AVL9: variants seen among roughly 807,000 people sequenced by gnomAD.
The protein encoded by AVL9 is AVL9 cell migration associated.
A neutral mutation model predicts 79.2 loss-of-function variants in AVL9; 49 were observed. That is an observed-to-expected ratio of 0.62 (90% CI 0.49 to 0.79). AVL9 has a LOEUF of 0.79. AVL9 is among the 30% of genes least tolerant of loss of function. The probability of loss-of-function intolerance (pLI) is 0.00; values close to 1 mark genes in which losing one functional copy is unlikely to be tolerated. For synonymous variants in AVL9, 299 were observed against 280.6 expected, an observed-to-expected ratio of 1.07 and a Z score of -0.65; for missense variants, 682 against 776.8, an observed-to-expected ratio of 0.88 and a Z score of 1.45.
chr7:32,530,548 T>C (rs1020032768), intron 1 of AVL9, among the ~76,000 whole-genome samples: 1 of 152,230 alleles, frequency 6.6e-6, no homozygotes, highest in Non-Finnish European at 1.5e-5. Context: ...GTTCTCAATT[T>C]TGCTATTCAT....
intron 1 of AVL9, among the ~76,000 whole-genome samples, chr7:32,512,089 G>GC (rs1287912754): frequency 6.6e-6 from 1 of 152,140 alleles, no homozygotes. Flanking sequence ...TAGTGAGGAG[G>GC]CCCCATCAAT....
intron 12 of AVL9, 113 bp downstream of exon 12, chr7:32,573,531 C>G: frequency 1.1e-6 from 1 of 928,554 alleles, no homozygotes; most frequent in Non-Finnish European, 1.6e-6. Context: ...AGAAAAATTA[C>G]CAGTTATTCC....
chr7:32,564,493 G>A (rs554997509), intron 10 of AVL9, among the ~76,000 whole-genome samples: 1 of 152,302 alleles, frequency 6.6e-6, no homozygotes, highest in East Asian at 1.9e-4. Flanking sequence ...AGAGAAGCCT[G>A]GGTGCCTGGG....
intron 1 of AVL9, among the ~76,000 whole-genome samples, chr7:32,521,865 G>A (rs1332897293): frequency 3.3e-5 from 5 of 152,164 alleles, no homozygotes; most frequent in Admixed American, 3.3e-4. Flanking sequence ...TAGGGATGTG[G>A]CACCCTGTGT....
chr7:32,512,409 C>T (rs895143470), intron 1 of AVL9, among the ~76,000 whole-genome samples: 36 of 152,122 alleles, frequency 2.4e-4, no homozygotes, highest in Non-Finnish European at 1.0e-4. Context: ...GTTATTTTAT[C>T]GATGAGGACA....
In AVL9 at chr7:32,495,752, C is replaced by T; in HGVS notation, c.43C>T (p.Pro15Ser). 2 of 1,259,386 alleles carry T rather than the reference C, an allele frequency of 1.6e-6. No individual in the cohort carries two copies. Among genetic ancestry groups the T allele is most frequent in the Non-Finnish European group, 2.0e-6 (2 of 992,388 alleles). The allele number at this position is 1,259,386 out of a possible 1,614,324, so 78.0% of individuals were successfully genotyped here. A position where few individuals can be genotyped will look rare whatever the true frequency, so the allele number is the denominator to read the frequency against. Residue 15 changes from proline (P) to serine (S), a missense_variant, in exon 1 of 16, where the codon CCC becomes TCC. Coordinates refer to ENST00000318709, the MANE Select transcript of AVL9 (RefSeq NM_015060.3). Reference sequence around the variant, plus strand: ...AGGCGGGGATGGCGTCCCCCGGGGGCCCGTACTGCACATCGTGGTGGTCGG... The same window carrying T: ...AGGCGGGGATGGCGTCCCCCGGGGGTCCGTACTGCACATCGTGGTGGTCGG... The part of the protein sequence containing the change: ...RRGGDGVPRG[P>S]VLHIVVVGFH...
In AVL9 at chr7:32,570,068, T is replaced by C; in HGVS notation, c.1264T>C (p.Ser422Pro). Residue 422 changes from serine to proline, a missense_variant, in exon 11 of 16, where the codon TCC becomes CCC. Ser to Pro is a moderately conservative substitution (Grantham distance 74, BLOSUM62 -1). Coordinates refer to ENST00000318709, the MANE Select transcript of AVL9 (RefSeq NM_015060.3). ...GGCATTGCAGCAGCATCATCTTCTC[T>C]CCGATGTCACCGTTCGGGGGTTTGT... ...YMALQQHHLL[S>P]DVTVRGFVAG... The C allele has an allele frequency of 1.2e-6, 2 of 1,614,242 alleles. No individual in the cohort carries two copies. The highest frequency in any genetic ancestry group is 1.7e-6 in the Non-Finnish European group (2 of 1,180,038).
chr7:32,552,270 AT>A lies in AVL9; in HGVS notation c.506del (p.Leu169Ter). ...HMNSSLGGAS[L>X]EGSQVYLGLS... is the part of the protein sequence containing the mutation. ...TGAATAGTTCCTTGGGAGGTGCTTC[AT>A]TAGAAGGATCCCAAGTATATCTTGG... is the stretch of plus-strand genomic sequence containing the variant. On this transcript the variant is annotated frameshift_variant, in exon 6 of 16. Transcript: ENST00000318709. LOFTEE classifies it high-confidence loss of function. The A allele has an allele frequency of 6.2e-7, 1 of 1,603,380 alleles. No individual in the cohort carries two copies. Among genetic ancestry groups the A allele is most frequent in the Non-Finnish European group, 8.5e-7 (1 of 1,171,044 alleles).
In AVL9 at chr7:32,548,805, G is replaced by A. The variant is rs372534724; in HGVS notation, c.301-42G>A. The A allele has an allele frequency of 3.8e-5, 49 of 1,295,592 alleles. No individual in the cohort carries two copies. The East Asian group carries it at 1.2e-3, about 33-fold the overall frequency. 80.3% of individuals were successfully genotyped at this position (1,295,592 alleles called of 1,614,324 possible). A position where few individuals can be genotyped will look rare whatever the true frequency, so the allele number is the denominator to read the frequency against. On this transcript the variant is annotated intron_variant, in intron 3 of 15. Transcript: ENST00000318709. Reference sequence around the variant, plus strand: ...GTTGAAAAAATATTTTTGAAATATTGCTATGAAATATTTCTGATAAATTGC... The same window carrying A: ...GTTGAAAAAATATTTTTGAAATATTACTATGAAATATTTCTGATAAATTGC...
At chr7:32,566,180 A>ATTTTTTTTTTTTTTTTTTT (rs200639479) in intron 10 of AVL9, among the ~76,000 whole-genome samples, 9 of 93,872 alleles carry the variant, frequency 9.6e-5, no homozygotes, top group East Asian at 6.6e-4. Context: ...TATTATTATT[A>ATTTTTTTTTTTTTTTTTTT]TTTTTTTTTT....
chr7:32,528,791 A>T (rs1788511996), intron 1 of AVL9, among the ~76,000 whole-genome samples: 2 of 152,024 alleles, frequency 1.3e-5, no homozygotes, highest in Non-Finnish European at 2.9e-5. Context: ...CGGGCAGATC[A>T]CAAGGTCAGG....
chr7:32,515,160 ATG>A (rs1787854462), intron 1 of AVL9, among the ~76,000 whole-genome samples: 1 of 152,238 alleles, frequency 6.6e-6, no homozygotes, highest in Non-Finnish European at 1.5e-5. Context: ...CACCTTGGGC[ATG>A]TGTCCTCAGG....
At chr7:32,557,502 C>G (rs1409569260) in intron 8 of AVL9, among the ~76,000 whole-genome samples, 1 of 152,126 alleles carries the variant, frequency 6.6e-6, no homozygotes, top group East Asian at 1.9e-4. Flanking sequence ...TAAAAATAAT[C>G]AAGACTAGTG....
intron 10 of AVL9, among the ~76,000 whole-genome samples, chr7:32,566,180 A>ATCTTTTTATTTTTTTTT: frequency 1.1e-5 from 1 of 93,890 alleles, no homozygotes; most frequent in African/African-American, 4.2e-5. Context: ...TATTATTATT[A>ATCTTTTTATTTTTTTTT]TTTTTTTTTT....
intron 1 of AVL9, chr7:32,533,509 G>A (rs1225843297): frequency 5.3e-5 from 8 of 152,106 alleles, no homozygotes; most frequent in African/African-American, 1.4e-4. Flanking sequence ...CTTTGTAGTC[G>A]AGTGAGGAAT....
chr7:32,577,709 C>T (rs1791163309), intron 13 of AVL9, among the ~76,000 whole-genome samples: 2 of 152,098 alleles, frequency 1.3e-5, no homozygotes, highest in Admixed American at 6.5e-5. Flanking sequence ...AGTGCAGGTC[C>T]AAAAGAGACT....
chr7:32,566,621 G>C (rs1790586038), intron 10 of AVL9, among the ~76,000 whole-genome samples: 1 of 152,068 alleles, frequency 6.6e-6, no homozygotes, highest in African/African-American at 2.4e-5. Flanking sequence ...GCTCACACCT[G>C]TAATCCCAAC....
intron 1 of AVL9, among the ~76,000 whole-genome samples, chr7:32,511,907 C>T (rs1787690315): frequency 6.6e-6 from 1 of 152,154 alleles, no homozygotes; most frequent in Admixed American, 6.5e-5. Context: ...TGTAGTAACT[C>T]ACTTGTCCAA....
At chr7:32,520,487 T>G (rs1425768432) in intron 1 of AVL9, among the ~76,000 whole-genome samples, 1 of 152,210 alleles carries the variant, frequency 6.6e-6, no homozygotes, top group African/African-American at 2.4e-5. Flanking sequence ...ACCAGCCTAG[T>G]AGACTAGATA....
Sources: allele counts gnomAD v4.1 joint callset (sites outside exome capture counted in the v4.1 genomes callset), GRCh38; gene constraint gnomAD v4.1.1; transcripts MANE v1.5; gene names NCBI Gene and HGNC (gene_info 2026-07-23, HGNC 2026-07-21).